GANAB: variants seen among roughly 807,000 people sequenced by gnomAD.
GANAB encodes the protein neutral alpha-glucosidase AB.
A neutral mutation model predicts 129.9 loss-of-function variants in GANAB; 35 were observed. The ratio of observed to expected loss-of-function variants is 0.27; its 90% CI spans 0.21 to 0.36. The LOEUF (loss-of-function observed/expected upper bound fraction) is 0.36. Ranked by LOEUF, GANAB falls within the 10% of genes least tolerant of loss-of-function variation. GANAB has a pLI of 1.00. For synonymous variants in GANAB, 482 were observed against 451.8 expected, an observed-to-expected ratio of 1.07 and a Z score of -0.85; for missense variants, 939 against 1,221.0, an observed-to-expected ratio of 0.77 and a Z score of 3.44.
At position 62,629,581 on chromosome 11, in the gene GANAB, A is replaced by G; in HGVS notation, c.1834+7T>C. The G allele has an allele frequency of 1.3e-6, 2 of 1,587,452 alleles. No individual in the cohort carries two copies. Among genetic ancestry groups the G allele is most frequent in the African/African-American group, 2.7e-5 (2 of 74,112 alleles). On this transcript the variant is annotated splice_region_variant and intron_variant, in intron 15 of 23. Transcript: ENST00000356638. ...CTTCTGCCACAGCTCCATTCTCTAA[A>G]CCTTACCAAAGCGCTGGGAGCCAGC...
rs774015855 is a variant in GANAB, at chr11:62,631,139, C to T, written c.1041G>A (p.Glu347=). ...KMMDYLQGSG[E]TPQTDVRWMS... ...TCCAGCGAACATCTGTCTGTGGGGT[C>T]TCCCCAGAGCCCTGCAGGTAGTCCA... The change falls in exon 10 of 24, where the codon GAG becomes GAA. Residue 347 remains glutamate, a synonymous_variant. Coordinates refer to ENST00000356638, the MANE Select transcript of GANAB (RefSeq NM_198334.3). 1.2e-6 allele frequency: 2 copies of T among 1,605,756 alleles called. No homozygotes were observed. The highest frequency in any genetic ancestry group is 1.7e-5 in the Admixed American group (1 of 59,886).
Position 62,626,680 on chromosome 11 carries a change from G to A in GANAB, c.2402C>T (p.Pro801Leu), listed in dbSNP as rs1222409092. The change falls in exon 21 of 24, where the codon CCT (proline) becomes CTT (leucine). Residue 801 changes from proline (P) to leucine (L), a missense_variant. Coordinates refer to ENST00000356638, the MANE Select transcript of GANAB (RefSeq NM_198334.3). ...GATTGTCCCTCCACGCTGGAACACA[G>A]GGATCTAGGGCAAGAGCAATGCCAG... ...LYLPVTLSSI[P>L]VFQRGGTIVP... The A allele has an allele frequency of 1.3e-6, 2 of 1,594,726 alleles. No homozygotes were observed. Among genetic ancestry groups the A allele is most frequent in the African/African-American group, 1.3e-5 (1 of 74,628 alleles).
At chr11:62,631,292 T>A in intron 9 of GANAB, 109 bp from the exon 10 acceptor site, 1 of 1,071,536 alleles carries the variant, frequency 9.3e-7, no homozygotes, top group Non-Finnish European at 1.3e-6. Context: ...CTGGCTCATG[T>A]AAGCTGCTTT....
intron 5 of GANAB, chr11:62,633,790 G>T: frequency 1.9e-6 from 1 of 533,908 alleles, no homozygotes; most frequent in South Asian, 2.3e-5. Context: ...GAGAAAGGCA[G>T]AATGATTCAG....
intron 13 of GANAB, 106 bp downstream of exon 13, chr11:62,630,091 T>C: frequency 7.7e-7 from 1 of 1,292,522 alleles, no homozygotes; most frequent in Non-Finnish European, 1.1e-6. Flanking sequence ...CAAGGCCCCC[T>C]GATATGTTGC....
rs747459542 is a variant in GANAB, at chr11:62,639,319, T to C, written c.252+40A>G. 4.2e-5 allele frequency: 59 copies of C among 1,389,812 alleles called. No individual in the cohort carries two copies. In the South Asian group the frequency reaches 4.6e-4, roughly 11 times the overall value. 86.1% of individuals were successfully genotyped at this position (1,389,812 alleles called of 1,614,324 possible). On this transcript the variant is annotated intron_variant, in intron 3 of 23. Coordinates refer to ENST00000356638, the MANE Select transcript of GANAB (RefSeq NM_198334.3). ...CCCTTTCCAAATTACCCCACAGCCA[T>C]TGCCCCACCCCCACCAGACTCTTCC...
intron 5 of GANAB, chr11:62,634,204 G>A (rs1943828264): frequency 1.3e-6 from 1 of 754,118 alleles, no homozygotes; most frequent in Non-Finnish European, 2.4e-6. Context: ...GGGAAAGTGG[G>A]GTGAGTGAAA....
chr11:62,625,889 G>A lies in GANAB; in HGVS notation c.2761C>T (p.Pro921Ser). 1.9e-6 allele frequency: 3 copies of A among 1,613,722 alleles called. No homozygotes were observed. Among genetic ancestry groups the A allele is most frequent in the Non-Finnish European group, 2.5e-6 (3 of 1,179,614 alleles). ...PESRLSFQHD[P>S]ETSVLVLRKP... Reference sequence around the variant, plus strand: ...CGCAGGACCAACACAGAGGTCTCAGGGTCATGCTGGAAGGACAGGCGGCTT... The same window carrying A: ...CGCAGGACCAACACAGAGGTCTCAGAGTCATGCTGGAAGGACAGGCGGCTT... Residue 921 changes from proline to serine, a missense_variant, in exon 24 of 24, where the codon CCT becomes TCT. By Grantham distance (74) the Pro-to-Ser change is moderately conservative. Around this residue, in one of 5 missense-constraint regions of GANAB, gnomAD observed 230 missense variants for 259.9 expected, o/e 0.89. Transcript: ENST00000356638.
chr11:62,629,109 T>C, intron 16 of GANAB, 85 bp downstream of exon 16: 2 of 1,550,122 alleles, frequency 1.3e-6, no homozygotes, highest in Non-Finnish European at 1.8e-6. Context: ...CTCTCAACTC[T>C]CTTTGCTTAC....
chr11:62,644,824 A>G (rs1034351856), intron 1 of GANAB, among the ~76,000 whole-genome samples: 7 of 152,016 alleles, frequency 4.6e-5, no homozygotes, highest in African/African-American at 1.5e-4. Context: ...CCCTGTTTCA[A>G]TAAGTAAACA....
intron 1 of GANAB, among the ~76,000 whole-genome samples, chr11:62,642,050 A>T (rs924169112): frequency 6.6e-6 from 1 of 151,816 alleles, no homozygotes; most frequent in Non-Finnish European, 1.5e-5. Flanking sequence ...CATCTCTACT[A>T]AAAATACAAA....
Position 62,625,771 on chromosome 11 carries a change from C to T in GANAB, c.*44G>A, listed in dbSNP as rs1181128954. On this transcript the variant is annotated 3_prime_UTR_variant, in exon 24 of 24. Coordinates refer to ENST00000356638, the MANE Select transcript of GANAB (RefSeq NM_198334.3). ...GCAGAAGAAAGAATATCTCTCAGCA[C>T]TAATGCTCCCCTTCCCTCCCCCTAA... The T allele has an allele frequency of 1.9e-5, 23 of 1,186,790 alleles. No homozygotes were observed. The Admixed American group carries it at 3.9e-4, about 20-fold the overall frequency. The allele number at this position is 1,186,790 out of a possible 1,614,324, so 73.5% of individuals were successfully genotyped here.
Position 62,626,082 on chromosome 11 carries a change from A to G in GANAB, c.2708T>C (p.Val903Ala). The change falls in exon 23 of 24, where the codon GTG becomes GCG. Residue 903 changes from valine (V) to alanine (A), a missense_variant. Physicochemically the swap from Val to Ala is moderately conservative, Grantham distance 64 (BLOSUM62 0). Transcript: ENST00000356638. ...VIIGAGKPAA[V>A]VLQTKGSPES... ...TCACTCACCTTTTGTCTGGAGTACC[A>G]CAGCTGCTGGCTTTCCAGCCCCTAT... is the stretch of plus-strand genomic sequence containing the variant. 6.2e-7 allele frequency: 1 copy of G among 1,612,884 alleles called. No individual in the cohort carries two copies. Among genetic ancestry groups the G allele is most frequent in the Non-Finnish European group, 8.5e-7 (1 of 1,178,862 alleles).
chr11:62,643,467 G>A (rs774938821), intron 1 of GANAB, among the ~76,000 whole-genome samples: 45 of 151,916 alleles, frequency 3.0e-4, no homozygotes, highest in Middle Eastern at 6.8e-3. Context: ...ATGAAACCCC[G>A]TCTCTACTAA....
At chr11:62,633,980 A>G in intron 5 of GANAB, 1 of 358,224 alleles carries the variant, frequency 2.8e-6, no homozygotes, top group African/African-American at 2.1e-5. Flanking sequence ...TTCTGCCAAA[A>G]AATGCTTTCA....
At chr11:62,632,406 G>A (rs767132438) in intron 9 of GANAB, among the ~76,000 whole-genome samples, 159 bp downstream of exon 9, 11 of 152,162 alleles carry the variant, frequency 7.2e-5, no homozygotes, top group Admixed American at 2.0e-4. Context: ...GTGAGTGAGC[G>A]TGTCACCTGG....
chr11:62,630,592 A>T lies in GANAB; in HGVS notation c.1386+9T>A. 2 of 1,611,054 alleles carry T rather than the reference A, an allele frequency of 1.2e-6. No individual in the cohort carries two copies. Among genetic ancestry groups the T allele is most frequent in the Non-Finnish European group, 1.7e-6 (2 of 1,177,468 alleles). On this transcript the variant is annotated intron_variant, in intron 11 of 23. Coordinates refer to ENST00000356638, the MANE Select transcript of GANAB (RefSeq NM_198334.3). ...CCTGAGAAGACCAAGCGTGACTGCA[A>T]CCCCTTACCTTCCGCCTCTTAGAAG...
chr11:62,643,567 C>T (rs557346055), intron 1 of GANAB, among the ~76,000 whole-genome samples: 1 of 152,234 alleles, frequency 6.6e-6, no homozygotes, highest in South Asian at 2.1e-4. Context: ...TGCTTGAACC[C>T]GGGAGGCAGA....
chr11:62,644,099 C>T (rs1189013448), intron 1 of GANAB, among the ~76,000 whole-genome samples: 1 of 152,128 alleles, frequency 6.6e-6, no homozygotes, highest in African/African-American at 2.4e-5. Context: ...CGCGTGCCAC[C>T]ACACTCGGCT....
Sources: gnomAD v4.1 joint callset for allele counts (sites outside exome capture counted in the v4.1 genomes callset) on GRCh38, gnomAD v4.1.1 for gene constraint, gnomAD v4.1.1 regional missense constraint, MANE v1.5 for transcripts, NCBI Gene and HGNC (gene_info 2026-07-23, HGNC 2026-07-21) for gene names.